The following RNF17 variants were observed in gnomAD, a reference collection of about 807,000 sequenced individuals.
RNF17 encodes the protein spermatogenesis associated 23.
In RNF17, 31 loss-of-function variants were observed where a neutral mutation model predicts 200.5. That is an observed-to-expected ratio of 0.15 (90% CI 0.12 to 0.21). The LOEUF (loss-of-function observed/expected upper bound fraction) is 0.21. RNF17 is among the 10% of genes least tolerant of loss of function. The pLI is 1.00. For synonymous variants in RNF17, 606 were observed against 637.8 expected (o/e 0.95, Z 0.75); for missense variants, 1,628 against 1,905.1 (o/e 0.85, Z 2.71).
At position 24,865,097 on chromosome 13, in the gene RNF17, A is replaced by G. The variant is rs546686442; in HGVS notation, c.4101+99A>G. On this transcript the variant is annotated intron_variant, in intron 29 of 35. Transcript: ENST00000255324. ...CTGTGTCTTAAATATGATTCTACAT[A>G]TCTGATCTATTAAGAGAGTCTAGAG... The G allele has an allele frequency of 9.0e-4, 799 of 889,798 alleles. 5 individuals carry two copies. The highest frequency in any genetic ancestry group is 3.8e-3 in the South Asian group (248 of 64,642). The allele number at this position is 889,798 out of a possible 1,614,324, so 55.1% of individuals were successfully genotyped here. A position where few individuals can be genotyped will look rare whatever the true frequency, so the allele number is the denominator to read the frequency against.
chr13:24,882,133 G>T (rs773658454), downstream of RNF17, among the ~76,000 whole-genome samples: 387 of 3,014 alleles, frequency 0.13, 130 homozygotes, highest in Middle Eastern at 1. Context: ...CATCTATATA[G>T]ATAGATACAT....
chr13:24,771,422 C>T (rs910480766), intron 2 of RNF17, among the ~76,000 whole-genome samples: 2 of 142,218 alleles, frequency 1.4e-5, no homozygotes, highest in Admixed American at 7.8e-5. Context: ...CACGCCTTAG[C>T]CTTCCAAAGT....
chr13:24,816,369 T>C (rs1008906143), intron 15 of RNF17, among the ~76,000 whole-genome samples: 2 of 152,198 alleles, frequency 1.3e-5, no homozygotes, highest in African/African-American at 4.8e-5. Context: ...ATCTTTGGCC[T>C]AGTTAAAACT....
At chr13:24,884,137 TGA>T (rs575866837), downstream of RNF17, 674 of 1,613,776 alleles carry the variant, frequency 4.2e-4, no homozygotes, top group Non-Finnish European at 5.3e-4. Context: ...AAGAATTTAA[TGA>T]GAGGGTGGAG....
At chr13:24,861,126 A>G in intron 26 of RNF17, 142 bp from the exon 27 acceptor site, 1 of 586,876 alleles carries the variant, frequency 1.7e-6, no homozygotes, top group South Asian at 2.5e-5. Context: ...CAATCCACCC[A>G]CCTCTGCCTC....
chr13:24,850,015 G>C (rs984203397), intron 22 of RNF17, among the ~76,000 whole-genome samples: 6 of 152,212 alleles, frequency 3.9e-5, no homozygotes, highest in Admixed American at 2.0e-4. Context: ...CAGTCTAGTT[G>C]ACATACATGA....
Position 24,765,319 on chromosome 13 carries a change from C to G in RNF17, c.130+986C>G, listed in dbSNP as rs529064700. On this transcript the variant is annotated intron_variant, in intron 1 of 35. Coordinates refer to ENST00000255324, the MANE Select transcript of RNF17 (RefSeq NM_031277.3). The stretch of plus-strand genomic sequence containing the variant: ...CGTGAGCCACCGCGCCCGGCCGGTT[C>G]AAGTTATTTTAATGTAACTTAAAAT... Among the ~76,000 whole-genome samples, 3 of 152,278 alleles carry G rather than the reference C, an allele frequency of 2.0e-5. No homozygotes were observed. In the South Asian group the frequency reaches 6.2e-4, roughly 32 times the overall value.
intron 26 of RNF17, among the ~76,000 whole-genome samples, chr13:24,859,664 T>A (rs1892889041): frequency 1.3e-5 from 2 of 151,932 alleles, no homozygotes; most frequent in South Asian, 4.1e-4. Context: ...ATTTACTAAG[T>A]AAAGGAATGA....
At chr13:24,834,256 A>T (rs532260137) in intron 18 of RNF17, among the ~76,000 whole-genome samples, 25 of 152,106 alleles carry the variant, frequency 1.6e-4, no homozygotes, top group African/African-American at 3.9e-4. Flanking sequence ...AAAATAAAAA[A>T]ATATATATAT....
chr13:24,875,577 C>T (rs1250408980), intron 33 of RNF17, among the ~76,000 whole-genome samples: 2 of 152,162 alleles, frequency 1.3e-5, no homozygotes, highest in Admixed American at 6.5e-5. Context: ...ACCTGTTGGA[C>T]CCAGATCAGC....
chr13:24,748,396 A>C, the RNF17 span, among the ~76,000 whole-genome samples: 1 of 152,252 alleles, frequency 6.6e-6, no homozygotes, highest in Non-Finnish European at 1.5e-5. Context: ...GAAAATCTAC[A>C]AAAGTATGTT....
chr13:24,777,018 C>G (rs901969863), intron 3 of RNF17, among the ~76,000 whole-genome samples: 6 of 152,120 alleles, frequency 3.9e-5, no homozygotes, highest in Admixed American at 3.9e-4. Flanking sequence ...TTCCAAATAA[C>G]CATTTTAAAA....
chr13:24,819,482 T>C (rs1887781846), intron 15 of RNF17, among the ~76,000 whole-genome samples: 3 of 152,244 alleles, frequency 2.0e-5, no homozygotes, highest in Admixed American at 6.5e-5. Context: ...GCAAATATTA[T>C]AGTATCAGGT....
chr13:24,845,570 A>C (rs2138161895), intron 22 of RNF17, among the ~76,000 whole-genome samples: 1 of 152,314 alleles, frequency 6.6e-6, no homozygotes, highest in South Asian at 2.1e-4. Context: ...GGGGTACACC[A>C]TGAACCAGGA....
chr13:24,800,671 C>A, intron 13 of RNF17, 137 bp downstream of exon 13: 2 of 589,020 alleles, frequency 3.4e-6, no homozygotes, highest in Non-Finnish European at 5.5e-6. Flanking sequence ...ACTGTTAGTT[C>A]TAATAGAAAA....
In RNF17 at chr13:24,862,707, A is replaced by G. The variant is rs1055165354; in HGVS notation, c.3895-6A>G. On this transcript the variant is annotated splice_region_variant and splice_polypyrimidine_tract_variant and intron_variant, in intron 27 of 35. Coordinates refer to ENST00000255324, the MANE Select transcript of RNF17 (RefSeq NM_031277.3). ...AAAAGAATCTGAGTTTATTAATCTC[A>G]AATAGGTTGGGAATGTCTGGCAACC... 1 of 1,584,870 alleles carries G rather than the reference A, an allele frequency of 6.3e-7. No individual in the cohort carries two copies. Among genetic ancestry groups the G allele is most frequent in the Non-Finnish European group, 8.7e-7 (1 of 1,153,910 alleles).
chr13:24,887,785 T>A, the RNF17 span, among the ~76,000 whole-genome samples: 1 of 152,210 alleles, frequency 6.6e-6, no homozygotes, highest in Non-Finnish European at 1.5e-5. Context: ...TGGTCCCTGA[T>A]GCCAAAAAGG....
intron 5 of RNF17, 26 bp from the exon 6 acceptor site, chr13:24,781,818 T>C: frequency 7.0e-7 from 1 of 1,421,916 alleles, no homozygotes. Flanking sequence ...CAAATTAAGT[T>C]TTTGTCTTGT....
intron 25 of RNF17, among the ~76,000 whole-genome samples, chr13:24,856,281 G>A (rs530547593): frequency 2.0e-4 from 30 of 151,870 alleles, no homozygotes; most frequent in African/African-American, 5.8e-4. Flanking sequence ...TTAGCTGGGC[G>A]TGGTGGCAGG....
Sources: gnomAD v4.1 joint callset for allele counts (sites outside exome capture counted in the v4.1 genomes callset) on GRCh38, gnomAD v4.1.1 for gene constraint, MANE v1.5 for transcripts, NCBI Gene and HGNC (gene_info 2026-07-23, HGNC 2026-07-21) for gene names.